The following CDKN1A variants were observed in gnomAD, a reference collection of about 807,000 sequenced individuals.
CDKN1A encodes the protein cyclin dependent kinase inhibitor 1A, also known as cyclin-dependent kinase inhibitor 1.
A neutral mutation model predicts 14.8 loss-of-function variants in CDKN1A; 14 were observed. The ratio of observed to expected loss-of-function variants is 0.94; its 90% CI spans 0.62 to 1.48. The LOEUF is 1.48. Ranked by LOEUF, CDKN1A falls within the 40% of genes most tolerant of loss-of-function variation. The probability of loss-of-function intolerance (pLI) is 0.00; values close to 1 mark genes in which losing one functional copy is unlikely to be tolerated. For synonymous variants in CDKN1A, 92 were observed against 93.5 expected, an observed-to-expected ratio of 0.98 and a Z score of 0.09; for missense variants, 203 against 231.7, an observed-to-expected ratio of 0.88 and a Z score of 0.80.
upstream of CDKN1A, chr6:36,677,797 C>A: frequency 9.0e-7 from 1 of 1,116,704 alleles, no homozygotes; most frequent in Non-Finnish European, 1.2e-6. Flanking sequence ...GGTCACCAGA[C>A]TTCTCTGAGC....
Position 36,681,236 on chromosome 6 carries a change from C to T in CDKN1A, c.-6+2438C>T, listed in dbSNP as rs371769629. Among the ~76,000 whole-genome samples, 71 of 150,380 alleles carry T rather than the reference C, an allele frequency of 4.7e-4. 1 individual carries two copies. Among genetic ancestry groups the T allele is most frequent in the African/African-American group, 1.6e-3 (65 of 40,984 alleles). ...TCTCGGGAGGCAGGGCCTCAGCAAT[C>T]TATATTTTGAAAAAACTCCCTAGGT... On this transcript the variant is annotated intron_variant, in intron 1 of 2. Coordinates refer to ENST00000244741, the MANE Select transcript of CDKN1A (RefSeq NM_000389.5).
Position 36,685,955 on chromosome 6 carries a change from C to G in CDKN1A, c.*155C>G. ...ACATACCCTGGCCGCCCCCTGCCCC[C>G]CAGCCTCTGGCATTAGAATTATTTA... On this transcript the variant is annotated 3_prime_UTR_variant, in exon 3 of 3. Coordinates refer to ENST00000244741, the MANE Select transcript of CDKN1A (RefSeq NM_000389.5). The G allele has an allele frequency of 1.3e-6, 1 of 752,422 alleles. No individual in the cohort carries two copies. The highest frequency in any genetic ancestry group is 2.6e-5 in the East Asian group (1 of 38,358). The allele number at this position is 752,422 out of a possible 1,614,324, so 46.6% of individuals were successfully genotyped here.
At chr6:36,683,764 C>T (rs1204129431) in intron 1 of CDKN1A, among the ~76,000 whole-genome samples, 1 of 152,238 alleles carries the variant, frequency 6.6e-6, no homozygotes, top group Non-Finnish European at 1.5e-5. Flanking sequence ...CCATGAGGGA[C>T]ACCTCTGGGG....
chr6:36,680,176 C>G (rs1272116259), intron 1 of CDKN1A, among the ~76,000 whole-genome samples: 2 of 152,160 alleles, frequency 1.3e-5, no homozygotes, highest in Non-Finnish European at 2.9e-5. Flanking sequence ...GGAGGACTTG[C>G]GAGCGGTTTT....
At chr6:36,682,008 G>C (rs867682892) in intron 1 of CDKN1A, among the ~76,000 whole-genome samples, 1 of 152,156 alleles carries the variant, frequency 6.6e-6, no homozygotes, top group African/African-American at 2.4e-5. Context: ...GCCTCCCAGA[G>C]TATTAGGATT....
At position 36,686,296 on chromosome 6, in the gene CDKN1A, G is replaced by A. The variant is rs749588003; in HGVS notation, c.*496G>A. On this transcript the variant is annotated 3_prime_UTR_variant, in exon 3 of 3. Coordinates refer to ENST00000244741, the MANE Select transcript of CDKN1A (RefSeq NM_000389.5). The surrounding 1 kb of genome is among the most constrained non-coding windows in gnomAD (Gnocchi z 4.9). ...CTTTGAAGGGGCCTCACCGAGTGGG[G>A]GCATCATCAAAAACTTTGGAGTCCC... is the stretch of plus-strand genomic sequence containing the variant. 1.0e-5 allele frequency: 3 copies of A among 294,880 alleles called. No homozygotes were observed. The highest frequency in any genetic ancestry group is 1.9e-5 in the Non-Finnish European group (3 of 156,188). The allele number at this position is 294,880 out of a possible 1,614,324, so 18.3% of individuals were successfully genotyped here. A position where few individuals can be genotyped will look rare whatever the true frequency, so the allele number is the denominator to read the frequency against.
At chr6:36,677,494 TCAGG>T (rs1331260632), upstream of CDKN1A, 3 of 200,872 alleles carry the variant, frequency 1.5e-5, no homozygotes, top group Non-Finnish European at 3.1e-5. Context: ...TGCAAATGTT[TCAGG>T]CACAGAAAGG....
upstream of CDKN1A, chr6:36,677,919 A>G (rs2395655): frequency 0.41 from 552,494 of 1,345,436 alleles, 118,561 homozygotes; most frequent in African/African-American, 0.69. Flanking sequence ...AACCACAGGG[A>G]TTTCTTCTGT....
intron 1 of CDKN1A, among the ~76,000 whole-genome samples, chr6:36,681,276 CTTTTTTTCT>C (rs1562037943): frequency 5.7e-5 from 6 of 105,502 alleles, no homozygotes; most frequent in Admixed American, 2.0e-4. Context: ...TTCTTTCTTT[CTTTTTTTCT>C]TTCTTTCTTT....
chr6:36,685,338 C>T (rs888695224), intron 2 of CDKN1A, among the ~76,000 whole-genome samples: 1 of 152,208 alleles, frequency 6.6e-6, no homozygotes, highest in Non-Finnish European at 1.5e-5. Flanking sequence ...TCCAGTAACT[C>T]TGCAGGGATG....
At chr6:36,677,984 C>T (rs1355532375), upstream of CDKN1A, 6 of 926,074 alleles carry the variant, frequency 6.5e-6, no homozygotes, top group East Asian at 2.5e-4. Context: ...CTTCTGTTTC[C>T]CTGGAGATCA....
upstream of CDKN1A, chr6:36,677,713 C>T (rs1761740016): frequency 2.2e-6 from 1 of 448,184 alleles, no homozygotes; most frequent in Middle Eastern, 3.4e-4. Flanking sequence ...GGATGACAAG[C>T]AGAGAGCCCC....
Position 36,684,280 on chromosome 6 carries a change from AG to A in CDKN1A, c.182del (p.Gly61ValfsTer87). 1 of 1,612,714 alleles carries A rather than the reference AG, an allele frequency of 6.2e-7. No homozygotes were observed. The highest frequency in any genetic ancestry group is 8.5e-7 in the Non-Finnish European group (1 of 1,179,880). On this transcript the variant is annotated frameshift_variant, in exon 2 of 3. Transcript: ENST00000244741. LOFTEE classifies it high-confidence loss of function. The surrounding 1 kb of genome is among the most constrained non-coding windows in gnomAD (Gnocchi z 6.0). Reference protein sequence around the residue: ...NFDFVTETPLEGDFAWERVRG... With the variant: ...NFDFVTETPLXGDFAWERVRG... ...GACTTTGTCACCGAGACACCACTGG[AG>A]GGTGACTTCGCCTGGGAGCGTGTGC...
At chr6:36,677,891 G>A (rs868110998), upstream of CDKN1A, 6 of 1,363,882 alleles carry the variant, frequency 4.4e-6, no homozygotes, top group African/African-American at 7.2e-5. Context: ...TCCCCTTCCT[G>A]GCCAACAAAG....
chr6:36,678,691 G>C, upstream of CDKN1A: 7 of 985,432 alleles, frequency 7.1e-6, no homozygotes, highest in Non-Finnish European at 8.4e-6. This position sits in a 1 kb window ranked among gnomAD's most constrained non-coding sequence, Gnocchi z 5.7. Context: ...TGTATATCAG[G>C]GCCGCGCTGA....
chr6:36,679,098 G>T (rs957137657), intron 1 of CDKN1A, among the ~76,000 whole-genome samples: 2 of 152,212 alleles, frequency 1.3e-5, no homozygotes, highest in African/African-American at 4.8e-5. Context: ...TGGAAACCCA[G>T]CTGGGGCGAG....
Position 36,687,035 on chromosome 6 carries a change from T to C in CDKN1A, c.*1235T>C, listed in dbSNP as rs1163000989. The C allele has an allele frequency of 1.7e-5, 4 of 233,340 alleles. No homozygotes were observed. The highest frequency in any genetic ancestry group is 3.4e-5 in the Non-Finnish European group (4 of 118,078). The allele number at this position is 233,340 out of a possible 1,614,324, so 14.5% of individuals were successfully genotyped here. A position where few individuals can be genotyped will look rare whatever the true frequency, so the allele number is the denominator to read the frequency against. On this transcript the variant is annotated 3_prime_UTR_variant, in exon 3 of 3. Transcript: ENST00000244741. ...GGACAGGGCATGCCACGTGGGCTCA[T>C]ATGGGGCTGGGAGTAGTTGTCTTTC...
intron 1 of CDKN1A, among the ~76,000 whole-genome samples, chr6:36,681,334 T>TTCTTTCCTTC (rs780161958): frequency 1.2e-5 from 1 of 86,058 alleles, no homozygotes; most frequent in African/African-American, 4.3e-5. Flanking sequence ...CTTTCTTTCT[T>TTCTTTCCTTC]TTTCTTTCTT....
At chr6:36,679,457 C>G (rs955869972) in intron 1 of CDKN1A, among the ~76,000 whole-genome samples, 5 of 152,336 alleles carry the variant, frequency 3.3e-5, no homozygotes, top group Middle Eastern at 3.4e-3. Context: ...GACAAGGAGA[C>G]CCCAGGGAAC....
Sources: allele counts gnomAD v4.1 joint callset (sites outside exome capture counted in the v4.1 genomes callset), GRCh38; gene constraint gnomAD v4.1.1; non-coding constraint Gnocchi (gnomAD v3.1); transcripts MANE v1.5; gene names NCBI Gene and HGNC (gene_info 2026-07-23, HGNC 2026-07-21).